The following TMTC2 variants were observed in gnomAD, a reference collection of about 807,000 sequenced individuals.
The protein encoded by TMTC2 is transmembrane O-mannosyltransferase targeting cadherins 2.
TMTC2 carries 43 observed loss-of-function variants against 82.4 expected under a neutral mutation model. The observed-to-expected ratio is 0.52, with a 90% CI of 0.41 to 0.67. The LOEUF is 0.67. Among genes scored for constraint, TMTC2 ranks in the 30% least tolerant of loss-of-function variants. The probability of loss-of-function intolerance (pLI) is 0.00; values close to 1 mark genes in which losing one functional copy is unlikely to be tolerated. For missense variants in TMTC2, 919 were observed against 1,012.4 expected, an observed-to-expected ratio of 0.91 and a Z score of 1.25; for synonymous variants, 408 against 381.9, an observed-to-expected ratio of 1.07 and a Z score of -0.80.
At chr12:82,875,344 A>T (rs1006530647) in intron 2 of TMTC2, among the ~76,000 whole-genome samples, 1 of 148,936 alleles carries the variant, frequency 6.7e-6, no homozygotes, top group African/African-American at 2.6e-5. Context: ...ATCTTACTTT[A>T]AAAATTATTA....
rs1251068484 is a variant in TMTC2, at chr12:82,995,755, C to T, written c.2070+9709C>T. ...TAAGGTGGATTGTTTTGTGAGGTGG[C>T]TCCCTCCTGTTTTCTGAAAGCAGTA... On this transcript the variant is annotated intron_variant, in intron 8 of 11. Coordinates refer to ENST00000321196, the MANE Select transcript of TMTC2 (RefSeq NM_152588.3). 2.0e-5 allele frequency among the ~76,000 whole-genome samples: 3 copies of T among 152,102 alleles called. No homozygotes were observed. In the East Asian group the frequency reaches 5.8e-4, roughly 29 times the overall value.
chr12:83,071,463 G>A (rs1030270252), intron 11 of TMTC2, among the ~76,000 whole-genome samples: 1 of 152,044 alleles, frequency 6.6e-6, no homozygotes, highest in African/African-American at 2.4e-5. Context: ...GGCCTGGTCT[G>A]TAGTTTTCTT....
intron 4 of TMTC2, among the ~76,000 whole-genome samples, chr12:82,952,992 T>C (rs1027358419): frequency 6.6e-6 from 1 of 152,180 alleles, no homozygotes; most frequent in African/African-American, 2.4e-5. Flanking sequence ...TACACATTTT[T>C]TAAATCTGTC....
intron 1 of TMTC2, among the ~76,000 whole-genome samples, chr12:82,776,053 A>T (rs1877574797): frequency 6.6e-6 from 1 of 152,078 alleles, no homozygotes; most frequent in Non-Finnish European, 1.5e-5. Context: ...TACCAAGAAA[A>T]TCAGCTATGT....
Position 82,864,781 on chromosome 12 carries a change from G to A in TMTC2, c.654+7201G>A, listed in dbSNP as rs113571147. Among the ~76,000 whole-genome samples the A allele has an allele frequency of 8.1e-3, 1,223 of 151,558 alleles. 5 individuals are homozygous for A. The highest frequency in any genetic ancestry group is 0.021 in the Middle Eastern group (6 of 292). On this transcript the variant is annotated intron_variant, in intron 2 of 11. Coordinates refer to ENST00000321196, the MANE Select transcript of TMTC2 (RefSeq NM_152588.3). The stretch of plus-strand genomic sequence containing the variant: ...CTCCCAACATGCTGGGATTACAGGC[G>A]TGAGCCACCGCGCCCGGCCTACATT...
chr12:83,020,354 A>C (rs144006016), intron 8 of TMTC2, among the ~76,000 whole-genome samples: 5 of 152,204 alleles, frequency 3.3e-5, no homozygotes, highest in Non-Finnish European at 7.3e-5. Flanking sequence ...TCATTGTTTT[A>C]ATTAAAAGCA....
At chr12:82,815,314 T>C (rs1868637323) in intron 1 of TMTC2, among the ~76,000 whole-genome samples, 1 of 150,270 alleles carries the variant, frequency 6.7e-6, no homozygotes, top group South Asian at 2.1e-4. Flanking sequence ...AATTAATTAT[T>C]TATTTATTTA....
chr12:82,946,652 A>C (rs1682608), intron 4 of TMTC2, among the ~76,000 whole-genome samples: 139,735 of 152,194 alleles, frequency 0.92, 64,250 homozygotes, highest in East Asian at 1. Flanking sequence ...GAAATGTCCA[A>C]CAGCCATCTA....
At chr12:82,821,870 CAG>C (rs1437600380) in intron 1 of TMTC2, among the ~76,000 whole-genome samples, 11 of 124,932 alleles carry the variant, frequency 8.8e-5, no homozygotes. Flanking sequence ...GCCTGGGTGA[CAG>C]AGCAAGACTC....
chr12:82,840,983 T>C (rs1320417628), intron 1 of TMTC2, among the ~76,000 whole-genome samples: 2 of 152,150 alleles, frequency 1.3e-5, no homozygotes, highest in East Asian at 3.9e-4. Context: ...TTTCACTATG[T>C]TGGCCAGGCT....
chr12:83,019,453 C>T (rs1880819086), intron 8 of TMTC2, among the ~76,000 whole-genome samples: 1 of 152,156 alleles, frequency 6.6e-6, no homozygotes, highest in Admixed American at 6.6e-5. Flanking sequence ...TAGACACAAT[C>T]AACTACTGCT....
At chr12:82,979,875 T>C (rs1008710363) in intron 7 of TMTC2, among the ~76,000 whole-genome samples, 4 of 151,762 alleles carry the variant, frequency 2.6e-5, no homozygotes, top group Non-Finnish European at 5.9e-5. Flanking sequence ...TATTCTAGGA[T>C]ACAAATTTGT....
intron 1 of TMTC2, among the ~76,000 whole-genome samples, chr12:82,761,234 CA>C (rs1321267454): frequency 1.3e-5 from 2 of 152,168 alleles, no homozygotes; most frequent in African/African-American, 2.4e-5. Flanking sequence ...TCTGAAACAA[CA>C]AAGTACCTTT....
chr12:83,123,468 A>C (rs1297626429), intron 11 of TMTC2, among the ~76,000 whole-genome samples: 1 of 152,258 alleles, frequency 6.6e-6, no homozygotes, highest in African/African-American at 2.4e-5. Flanking sequence ...ATATGACTGT[A>C]GTCAAAATAA....
chr12:82,903,365 C>G (rs1181211845), intron 3 of TMTC2, among the ~76,000 whole-genome samples: 1 of 152,130 alleles, frequency 6.6e-6, no homozygotes, highest in Admixed American at 6.5e-5. Context: ...TCAGCATACA[C>G]TAGAATGTAC....
rs1285082002 is a variant in TMTC2, at chr12:83,112,070, C to T, written c.2332-20140C>T. ...GCAGTGAGCCAAGATCACACCACTG[C>T]ACTCCAGCCTAAGTAACAGAGTGAG... On this transcript the variant is annotated intron_variant, in intron 11 of 11. Transcript: ENST00000321196. 3.9e-5 allele frequency among the ~76,000 whole-genome samples: 6 copies of T among 152,124 alleles called. No homozygotes were observed. The East Asian group carries it at 1.2e-3, about 29-fold the overall frequency.
intron 1 of TMTC2, among the ~76,000 whole-genome samples, chr12:82,840,988 C>T (rs1219388380): frequency 6.6e-6 from 1 of 152,104 alleles, no homozygotes; most frequent in African/African-American, 2.4e-5. Flanking sequence ...CTATGTTGGC[C>T]AGGCTGGTCT....
At chr12:82,766,297 C>G (rs112325036) in intron 1 of TMTC2, among the ~76,000 whole-genome samples, 7,496 of 152,270 alleles carry the variant, frequency 0.049, 247 homozygotes, top group Middle Eastern at 0.15. Context: ...TTATCTGTGA[C>G]TACATTCTTC....
chr12:82,893,404 A>G (rs1215082373), intron 2 of TMTC2, among the ~76,000 whole-genome samples: 1 of 151,316 alleles, frequency 6.6e-6, no homozygotes, highest in Admixed American at 6.6e-5. Context: ...AGAAAAGAAA[A>G]AAGTTAGATT....
Sources: allele counts gnomAD v4.1 joint callset (sites outside exome capture counted in the v4.1 genomes callset), GRCh38; gene constraint gnomAD v4.1.1; transcripts MANE v1.5; gene names NCBI Gene and HGNC (gene_info 2026-07-23, HGNC 2026-07-21).